Variants in ATXN10 observed in about 807,000 individuals in gnomAD.
ATXN10 encodes the protein ataxin 10.
In ATXN10, 28 loss-of-function variants were observed where a neutral mutation model predicts 52.9. The ratio of observed to expected loss-of-function variants is 0.53; its 90% confidence interval spans 0.39 to 0.73. ATXN10 has a LOEUF of 0.73. ATXN10 is among the 30% of genes least tolerant of loss of function. The pLI is 0.00. For synonymous variants in ATXN10, 226 were observed against 221.5 expected (o/e 1.02, Z -0.18); for missense variants, 565 against 577.0 (o/e 0.98, Z 0.21).
At chr22:45,776,676 A>G (rs1926968351) in intron 9 of ATXN10, among the ~76,000 whole-genome samples, 1 of 151,156 alleles carries the variant, frequency 6.6e-6, no homozygotes, top group African/African-American at 2.4e-5. Context: ...AGCTTTCTCA[A>G]TAGAGAAAAT....
chr22:45,680,273 G>A (rs1569020472), intron 1 of ATXN10: 1 of 152,212 alleles, frequency 6.6e-6, no homozygotes, highest in Non-Finnish European at 1.5e-5. Flanking sequence ...CGTTGTTGGT[G>A]TCATTGTCAT....
Position 45,671,874 on chromosome 22 carries a change from C to A in ATXN10, c.-190C>A. 1 of 607,344 alleles carries A rather than the reference C, an allele frequency of 1.6e-6. No individual in the cohort carries two copies. Among genetic ancestry groups the A allele is most frequent in the Non-Finnish European group, 2.7e-6 (1 of 364,708 alleles). The allele number at this position is 607,344 out of a possible 1,614,324, so 37.6% of individuals were successfully genotyped here. A position where few individuals can be genotyped will look rare whatever the true frequency, so the allele number is the denominator to read the frequency against. On this transcript the variant is annotated 5_prime_UTR_variant, in exon 1 of 12. Coordinates refer to ENST00000252934, the MANE Select transcript of ATXN10 (RefSeq NM_013236.4). ...CGCCTGAGGCGAGTCTGGGCTCAGC[C>A]TAGAGCTCTCCGGCGGCGGCGCAGC...
chr22:45,687,695 A>G (rs139785021), intron 1 of ATXN10, among the ~76,000 whole-genome samples: 1 of 152,314 alleles, frequency 6.6e-6, no homozygotes, highest in East Asian at 1.9e-4. Context: ...ATAGTGTTTT[A>G]AACTCCTGGT....
At chr22:45,764,225 G>T (rs928685191) in intron 9 of ATXN10, among the ~76,000 whole-genome samples, 1 of 151,684 alleles carries the variant, frequency 6.6e-6, no homozygotes, top group Non-Finnish European at 1.5e-5. Flanking sequence ...TAGATCCACC[G>T]CTACCCCCCA....
chr22:45,836,266 A>G (rs1929164685), intron 10 of ATXN10, among the ~76,000 whole-genome samples: 1 of 152,244 alleles, frequency 6.6e-6, no homozygotes, highest in African/African-American at 2.4e-5. Flanking sequence ...ATCATAGCAG[A>G]TGAAGGTGGA....
intron 10 of ATXN10, among the ~76,000 whole-genome samples, chr22:45,814,197 C>CTG (rs1928382529): frequency 6.6e-6 from 1 of 152,204 alleles, no homozygotes; most frequent in South Asian, 2.1e-4. Context: ...AAAACACTAA[C>CTG]TGTAAGAGAA....
chr22:45,694,627 C>T (rs1923519278), intron 3 of ATXN10, among the ~76,000 whole-genome samples: 1 of 151,968 alleles, frequency 6.6e-6, no homozygotes. Flanking sequence ...ACTAAAAATA[C>T]AAAAATTAGC....
At chr22:45,672,292 C>G (rs1008188246) in intron 1 of ATXN10, 113 bp downstream of exon 1, 1 of 1,129,010 alleles carries the variant, frequency 8.9e-7, no homozygotes, top group Non-Finnish European at 1.1e-6. Flanking sequence ...ACGCGGAGGG[C>G]GAGGCCTGCG....
At chr22:45,810,823 T>G (rs1179959105) in intron 10 of ATXN10, among the ~76,000 whole-genome samples, 2 of 152,224 alleles carry the variant, frequency 1.3e-5, no homozygotes, top group Non-Finnish European at 1.5e-5. Flanking sequence ...AATTGTTCAG[T>G]TATCTTTTGG....
At chr22:45,796,555 C>T (rs111675331) in intron 9 of ATXN10, among the ~76,000 whole-genome samples, 2 of 152,262 alleles carry the variant, frequency 1.3e-5, no homozygotes, top group African/African-American at 4.8e-5. Context: ...CATGTGATAT[C>T]GCTCCCAGAG....
At chr22:45,798,241 G>A (rs1392445906) in intron 9 of ATXN10, among the ~76,000 whole-genome samples, 2 of 152,306 alleles carry the variant, frequency 1.3e-5, no homozygotes, top group East Asian at 3.9e-4. Flanking sequence ...TAACTACAGA[G>A]CAGTGTCTCT....
intron 10 of ATXN10, among the ~76,000 whole-genome samples, chr22:45,810,057 T>TTA (rs1474678821): frequency 2.6e-5 from 4 of 152,124 alleles, no homozygotes; most frequent in Admixed American, 6.6e-5. Context: ...GTTTTACCTT[T>TTA]TATATATATA....
intron 9 of ATXN10, among the ~76,000 whole-genome samples, chr22:45,751,327 G>A (rs961754544): frequency 3.3e-5 from 5 of 152,108 alleles, no homozygotes; most frequent in African/African-American, 1.2e-4. Flanking sequence ...ACTTTCAGTT[G>A]AAAGATTTTT....
chr22:45,773,271 T>C (rs1926836754), intron 9 of ATXN10, among the ~76,000 whole-genome samples: 1 of 152,176 alleles, frequency 6.6e-6, no homozygotes, highest in African/African-American at 2.4e-5. Context: ...AACAATCATA[T>C]CCTGTGAATA....
At chr22:45,682,585 C>T (rs576753678) in intron 1 of ATXN10, among the ~76,000 whole-genome samples, 3 of 152,194 alleles carry the variant, frequency 2.0e-5, no homozygotes, top group African/African-American at 4.8e-5. Context: ...GCTGGGATTA[C>T]AGGCATGAGC....
In ATXN10 at chr22:45,672,251, G is replaced by GGACCCAGGCGCCGCCCCCGCCTC. The variant is rs1922483352; in HGVS notation, c.116+74_116+96dup. Reference sequence around the variant, plus strand: ...GGGACTCCCGCGGCGGCCCCGGCCTGGACCCAGGCGCCGCCCCCGCCTCGC... The same window carrying GGACCCAGGCGCCGCCCCCGCCTC: ...GGGACTCCCGCGGCGGCCCCGGCCTGGACCCAGGCGCCGCCCCCGCCTCGACCCAGGCGCCGCCCCCGCCTCGC... On this transcript the variant is annotated intron_variant, in intron 1 of 11. Coordinates refer to ENST00000252934, the MANE Select transcript of ATXN10 (RefSeq NM_013236.4). 3 of 1,290,532 alleles carry GGACCCAGGCGCCGCCCCCGCCTC rather than the reference G, an allele frequency of 2.3e-6. No homozygotes were observed. The South Asian group carries it at 6.6e-5, about 28-fold the overall frequency. The allele number at this position is 1,290,532 out of a possible 1,614,324, so 79.9% of individuals were successfully genotyped here. A position where few individuals can be genotyped will look rare whatever the true frequency, so the allele number is the denominator to read the frequency against.
intron 9 of ATXN10, among the ~76,000 whole-genome samples, chr22:45,752,105 G>A (rs1351039707): frequency 6.6e-6 from 1 of 152,120 alleles, no homozygotes; most frequent in Non-Finnish European, 1.5e-5. Context: ...TGCAGTTAAA[G>A]TTGGGAATAT....
chr22:45,738,452 TGAATAAG>T, intron 7 of ATXN10: 1 of 379,274 alleles, frequency 2.6e-6, no homozygotes, highest in Non-Finnish European at 4.8e-6. Flanking sequence ...TCTTTTTGCT[TGAATAAG>T]AACTTTTCTG....
chr22:45,788,304 C>G (rs1927388191), intron 9 of ATXN10, among the ~76,000 whole-genome samples: 1 of 152,022 alleles, frequency 6.6e-6, no homozygotes, highest in Non-Finnish European at 1.5e-5. Context: ...CCCTTGAGTC[C>G]CGCATCCCCA....
Sources: gnomAD v4.1 joint callset for allele counts (sites outside exome capture counted in the v4.1 genomes callset) on GRCh38, gnomAD v4.1.1 for gene constraint, MANE v1.5 for transcripts, NCBI Gene and HGNC (gene_info 2026-07-23, HGNC 2026-07-21) for gene names.